Variants in ROS1 observed in about 807,000 individuals in gnomAD.
ROS1 encodes the protein ROS proto-oncogene 1, receptor tyrosine kinase, also known as proto-oncogene tyrosine-protein kinase ROS.
Under a neutral mutation model 273.5 loss-of-function variants are expected in ROS1, and 263 were observed. The observed-to-expected ratio is 0.96, with a 90% CI of 0.87 to 1.06. ROS1 has a LOEUF of 1.06. Among genes scored for constraint, ROS1 ranks in the 50% least tolerant of loss-of-function variants. The pLI is 0.00. For synonymous variants in ROS1, 1,008 were observed against 954.1 expected, an observed-to-expected ratio of 1.06 and a Z score of -1.04; for missense variants, 2,833 against 2,751.1, an observed-to-expected ratio of 1.03 and a Z score of -0.67.
Position 117,425,779 on chromosome 6 carries a change from G to A in ROS1, c.-123C>T. 9.6e-7 allele frequency: 1 copy of A among 1,044,274 alleles called. No homozygotes were observed. Among genetic ancestry groups the A allele is most frequent in the Non-Finnish European group, 1.4e-6 (1 of 700,684 alleles). 64.7% of individuals were successfully genotyped at this position (1,044,274 alleles called of 1,614,324 possible). A position where few individuals can be genotyped will look rare whatever the true frequency, so the allele number is the denominator to read the frequency against. On this transcript the variant is annotated 5_prime_UTR_variant, in exon 1 of 44. Coordinates refer to ENST00000368507, the MANE Select transcript of ROS1 (RefSeq NM_001378902.1). Reference sequence around the variant, plus strand: ...TGATGGATTTTGCTTTGTTTGTTTTGCTATATTAGGATATACTTGCCTTTT... The same window carrying A: ...TGATGGATTTTGCTTTGTTTGTTTTACTATATTAGGATATACTTGCCTTTT...
intron 18 of ROS1, 123 bp downstream of exon 18, chr6:117,378,936 T>C: frequency 1.6e-6 from 1 of 630,744 alleles, no homozygotes; most frequent in South Asian, 2.0e-5. Flanking sequence ...ACAAGCCCAA[T>C]GCCTGCAACA....
chr6:117,308,768 T>C (rs1303206482), intron 42 of ROS1, 26 bp downstream of exon 42: 1 of 1,607,454 alleles, frequency 6.2e-7, no homozygotes, highest in African/African-American at 1.3e-5. Context: ...GTTTGGGGGA[T>C]ACATATGTTA....
intron 42 of ROS1, among the ~76,000 whole-genome samples, chr6:117,307,236 G>A (rs1775174134): frequency 1.3e-5 from 2 of 152,090 alleles, no homozygotes. Flanking sequence ...AAACACATCA[G>A]TCAAAACTGA....
intron 33 of ROS1, 59 bp from the exon 34 acceptor site, chr6:117,326,473 G>T: frequency 1.9e-6 from 2 of 1,071,362 alleles, no homozygotes; most frequent in Non-Finnish European, 2.6e-6. Context: ...ATTTCTAGTT[G>T]TTCATAGATC....
chr6:117,405,548 G>A (rs1328184349), intron 5 of ROS1, among the ~76,000 whole-genome samples: 2 of 152,020 alleles, frequency 1.3e-5, no homozygotes, highest in South Asian at 4.1e-4. Context: ...AAATAACCAG[G>A]AGGCATCAGA....
At chr6:117,328,874 C>A in intron 33 of ROS1, 1 of 612,850 alleles carries the variant, frequency 1.6e-6, no homozygotes, top group Non-Finnish European at 3.2e-6. Flanking sequence ...GTGACCTCTA[C>A]ACTTCAGACC....
intron 7 of ROS1, among the ~76,000 whole-genome samples, chr6:117,399,007 C>T (rs1425450897): frequency 6.7e-6 from 1 of 148,482 alleles, no homozygotes. Flanking sequence ...CATCTAAAAT[C>T]ATGTCATTCC....
rs1775756850 is a variant in ROS1, at chr6:117,421,510, A to G, written c.124-3004T>C. Reference sequence around the variant, plus strand: ...CCACTTATAAGTGAGAACATACGGTATTTGGTTTTCTATTCCTGGCCAAAT... The same window carrying G: ...CCACTTATAAGTGAGAACATACGGTGTTTGGTTTTCTATTCCTGGCCAAAT... On this transcript the variant is annotated intron_variant, in intron 1 of 43. Coordinates refer to ENST00000368507, the MANE Select transcript of ROS1 (RefSeq NM_001378902.1). Among the ~76,000 whole-genome samples, 5 of 152,024 alleles carry G rather than the reference A, an allele frequency of 3.3e-5. 1 individual carries two copies. In the South Asian group the frequency reaches 1.0e-3, roughly 32 times the overall value.
chr6:117,326,187 G>C (rs781573435), intron 34 of ROS1, 37 bp downstream of exon 34: 1 of 1,318,284 alleles, frequency 7.6e-7, no homozygotes, highest in East Asian at 2.6e-5. Flanking sequence ...GAACCTTTAG[G>C]TAATAAGCTA....
At chr6:117,391,194 A>G (rs996290177) in intron 12 of ROS1, among the ~76,000 whole-genome samples, 4 of 152,254 alleles carry the variant, frequency 2.6e-5, no homozygotes, top group Non-Finnish European at 5.9e-5. Flanking sequence ...TGAGATATGT[A>G]GCTATGTTCT....
intron 27 of ROS1, among the ~76,000 whole-genome samples, chr6:117,350,969 T>A (rs919038987): frequency 3.3e-5 from 5 of 152,206 alleles, no homozygotes; most frequent in Non-Finnish European, 5.9e-5. Context: ...AATTCTAACA[T>A]CCCTGCCATA....
intron 31 of ROS1, 80 bp downstream of exon 31, chr6:117,341,055 T>C: frequency 4.6e-6 from 4 of 862,844 alleles, no homozygotes; most frequent in Non-Finnish European, 7.2e-6. Context: ...TATTTATACA[T>C]GAGCATGTTC....
At chr6:117,352,283 TG>T (rs1415118965) in intron 27 of ROS1, among the ~76,000 whole-genome samples, 1 of 152,192 alleles carries the variant, frequency 6.6e-6, no homozygotes, top group African/African-American at 2.4e-5. Flanking sequence ...TTTGTTTGTA[TG>T]GTTTTTAGAT....
intron 32 of ROS1, among the ~76,000 whole-genome samples, chr6:117,332,702 C>T (rs1777172550): frequency 6.6e-6 from 1 of 152,140 alleles, no homozygotes; most frequent in African/African-American, 2.4e-5. Context: ...CACTCAAAAC[C>T]ACACAATTTC....
chr6:117,356,613 T>C lies in ROS1; in HGVS notation c.4126+16A>G. 2 of 1,599,972 alleles carry C rather than the reference T, an allele frequency of 1.3e-6. No individual in the cohort carries two copies. The highest frequency in any genetic ancestry group is 1.1e-5 in the South Asian group (1 of 89,164). On this transcript the variant is annotated intron_variant, in intron 26 of 43. Transcript: ENST00000368507. Reference sequence around the variant, plus strand: ...TCTTATTAACAAATATCTGTGCACATACATCAGCATCTTACCGAGCATAGC... The same window carrying C: ...TCTTATTAACAAATATCTGTGCACACACATCAGCATCTTACCGAGCATAGC...
At chr6:117,342,603 G>A (rs2128624217) in intron 28 of ROS1, 59 bp from the exon 29 acceptor site, 2 of 1,100,408 alleles carry the variant, frequency 1.8e-6, no homozygotes, top group South Asian at 1.7e-5. Flanking sequence ...CAAATTGGTA[G>A]AAATTATTTA....
chr6:117,407,530 T>C (rs901887856), intron 5 of ROS1, among the ~76,000 whole-genome samples: 4 of 152,148 alleles, frequency 2.6e-5, no homozygotes, highest in Admixed American at 2.6e-4. Flanking sequence ...CTAGAGCCTT[T>C]TGGGGAGTCA....
Position 117,404,415 on chromosome 6 carries a change from T to A in ROS1, c.330A>T (p.Leu110=), listed in dbSNP as rs2243378. 0.51 allele frequency: 816,659 copies of A among 1,612,110 alleles called. 215,535 individuals carry two copies. The highest frequency in any genetic ancestry group is 0.87 in the African/African-American group (65,423 of 74,934). The change falls in exon 6 of 44, where the codon CTA becomes CTT. Residue 110 remains leucine, a synonymous_variant. Coordinates refer to ENST00000368507, the MANE Select transcript of ROS1 (RefSeq NM_001378902.1). ...YEEEVLENAD[L]PTAPFASSIG... ...TGGAAGAAGCAAAGGGAGCAGTTGG[T>A]AGGTCTGCATTTTCTGGGGAAAAAA...
In ROS1 at chr6:117,353,186, G is replaced by T. The variant is rs777785952; in HGVS notation, c.4127-20C>A. On this transcript the variant is annotated intron_variant, in intron 26 of 43. Coordinates refer to ENST00000368507, the MANE Select transcript of ROS1 (RefSeq NM_001378902.1). ...TTTTTCCTGCTGTTAAAAACATAAG[G>T]AATATAAAGAACAAAATTAATATCT... is the stretch of plus-strand genomic sequence containing the variant. The T allele has an allele frequency of 5.9e-6, 9 of 1,516,406 alleles. No homozygotes were observed. The Admixed American group carries it at 1.6e-4, about 27-fold the overall frequency. The allele number at this position is 1,516,406 out of a possible 1,614,324, so 93.9% of individuals were successfully genotyped here.
Sources: allele counts gnomAD v4.1 joint callset (sites outside exome capture counted in the v4.1 genomes callset), GRCh38; gene constraint gnomAD v4.1.1; transcripts MANE v1.5; gene names NCBI Gene and HGNC (gene_info 2026-07-23, HGNC 2026-07-21).